ANKMY1: variants seen among roughly 807,000 people sequenced by gnomAD.
The protein encoded by ANKMY1 is ankyrin repeat and MYND domain containing 1.
In ANKMY1, 98 loss-of-function variants were observed where a neutral mutation model predicts 102.0. The observed-to-expected ratio is 0.96, with a 90% CI of 0.82 to 1.14. ANKMY1 has a LOEUF of 1.14. Among genes scored for constraint, ANKMY1 ranks in the 50% most tolerant of loss-of-function variants. The probability of loss-of-function intolerance (pLI) is 0.00; values close to 1 mark genes in which losing one functional copy is unlikely to be tolerated. For missense variants in ANKMY1, 1,330 were observed against 1,347.6 expected, an observed-to-expected ratio of 0.99 and a Z score of 0.20; for synonymous variants, 582 against 559.9, an observed-to-expected ratio of 1.04 and a Z score of -0.56.
At chr2:240,473,199 G>A in the ANKMY1 span, among the ~76,000 whole-genome samples, 1 of 123,084 alleles carries the variant, frequency 8.1e-6, no homozygotes, top group African/African-American at 3.2e-5. Flanking sequence ...AAGAAATAAA[G>A]ATCTATAAAT....
chr2:240,552,241 C>T (rs1011179174), intron 4 of ANKMY1, among the ~76,000 whole-genome samples: 20 of 152,298 alleles, frequency 1.3e-4, no homozygotes, highest in South Asian at 6.2e-4. Context: ...AGATCTAGAG[C>T]GAACCCCTGG....
the ANKMY1 span, among the ~76,000 whole-genome samples, chr2:240,473,131 A>AAC: frequency 2.9e-4 from 44 of 150,480 alleles, no homozygotes; most frequent in East Asian, 5.0e-3. Flanking sequence ...TCTAAAAAAA[A>AAC]AAAAAAAACA....
Position 240,523,630 on chromosome 2 carries a change from G to A in ANKMY1, c.1832+255C>T, listed in dbSNP as rs763053976. 24 of 578,970 alleles carry A rather than the reference G, an allele frequency of 4.1e-5. 1 individual carries two copies. The highest frequency in any genetic ancestry group is 2.8e-4 in the Admixed American group (9 of 31,764). The allele number at this position is 578,970 out of a possible 1,614,324, so 35.9% of individuals were successfully genotyped here. On this transcript the variant is annotated intron_variant, in intron 8 of 17. Transcript: ENST00000401804. ...TGCCAAAGGCCAAAGCAGGGCTGGCGTGGTACTGAAAACAGCCCGTCACCG... is the reference window on the plus strand; with the variant it reads ...TGCCAAAGGCCAAAGCAGGGCTGGCATGGTACTGAAAACAGCCCGTCACCG...
downstream of ANKMY1, chr2:240,479,284 C>A: frequency 2.6e-6 from 1 of 385,030 alleles, no homozygotes; most frequent in South Asian, 4.4e-5. Context: ...AGTCCTGACC[C>A]TCACCTGCCT....
chr2:240,526,854 T>C, intron 5 of ANKMY1: 1 of 1,164,928 alleles, frequency 8.6e-7, no homozygotes, highest in South Asian at 1.8e-5. Flanking sequence ...GCTCATCCAT[T>C]TTTGTCTGAG....
downstream of ANKMY1, among the ~76,000 whole-genome samples, chr2:240,476,305 T>A (rs907337333): frequency 6.6e-6 from 1 of 151,966 alleles, no homozygotes; most frequent in African/African-American, 2.4e-5. Context: ...AAGAGAGAAA[T>A]TGGACCCTTA....
Position 240,520,222 on chromosome 2 carries a change from G to A in ANKMY1, c.2004+140C>T. 1.6e-6 allele frequency: 2 copies of A among 1,281,970 alleles called. No individual in the cohort carries two copies. Among genetic ancestry groups the A allele is most frequent in the South Asian group, 1.3e-5 (1 of 77,348 alleles). 79.4% of individuals were successfully genotyped at this position (1,281,970 alleles called of 1,614,324 possible). Reference sequence around the variant, plus strand: ...GCTGTGGGACCCCCCACTGCGGCGCGCCGTCATCACTCACAGCCCAGGTGG... The same window carrying A: ...GCTGTGGGACCCCCCACTGCGGCGCACCGTCATCACTCACAGCCCAGGTGG... On this transcript the variant is annotated intron_variant, in intron 9 of 17. Transcript: ENST00000401804. This position sits in a 1 kb window ranked among gnomAD's most constrained non-coding sequence, Gnocchi z 4.8.
chr2:240,485,252 C>T (rs369224353), intron 15 of ANKMY1, among the ~76,000 whole-genome samples: 3 of 150,658 alleles, frequency 2.0e-5, no homozygotes, highest in East Asian at 2.0e-4. Flanking sequence ...GGCGTGAACC[C>T]GGGAGGTGGA....
At position 240,515,779 on chromosome 2, in the gene ANKMY1, G is replaced by A. The variant is rs138985386; in HGVS notation, c.2005-2837C>T. 3.0e-3 allele frequency among the ~76,000 whole-genome samples: 460 copies of A among 151,858 alleles called. 22 individuals carry two copies. The East Asian group carries it at 0.069, about 23-fold the overall frequency. On this transcript the variant is annotated intron_variant, in intron 9 of 17. Transcript: ENST00000401804. Reference sequence around the variant, plus strand: ...ATTGCCCAGGCTGGAGTGCAGTGGCGCGATCTCGACTCACTGCAAGCTCCT... The same window carrying A: ...ATTGCCCAGGCTGGAGTGCAGTGGCACGATCTCGACTCACTGCAAGCTCCT...
At chr2:240,525,505 C>T (rs2083178864) in intron 7 of ANKMY1, among the ~76,000 whole-genome samples, 180 bp downstream of exon 7, 1 of 152,188 alleles carries the variant, frequency 6.6e-6, no homozygotes. Context: ...CATACCTTGG[C>T]ATCTGCTCAG....
At chr2:240,531,802 A>G (rs573491299) in intron 4 of ANKMY1, among the ~76,000 whole-genome samples, 1 of 152,226 alleles carries the variant, frequency 6.6e-6, no homozygotes, top group East Asian at 1.9e-4. Flanking sequence ...AATCATGATC[A>G]AGGTGGTAGT....
intron 17 of ANKMY1, 65 bp from the exon 18 acceptor site, chr2:240,479,720 G>A: frequency 2.7e-6 from 4 of 1,491,882 alleles, no homozygotes; most frequent in South Asian, 2.3e-5. Context: ...CCCGAGGCCT[G>A]GCTCCAGAAC....
At chr2:240,494,600 A>T (rs1012540324) in intron 15 of ANKMY1, among the ~76,000 whole-genome samples, 2 of 152,140 alleles carry the variant, frequency 1.3e-5, no homozygotes, top group Middle Eastern at 3.2e-3. Context: ...GACAGCATGT[A>T]GTTTTCCAGA....
chr2:240,476,874 G>A (rs1478444005), downstream of ANKMY1, among the ~76,000 whole-genome samples: 7 of 152,224 alleles, frequency 4.6e-5, no homozygotes, highest in Non-Finnish European at 1.0e-4. Flanking sequence ...CAGGCCCTGA[G>A]GAAAGGACAC....
intron 4 of ANKMY1, among the ~76,000 whole-genome samples, chr2:240,547,734 C>G (rs373591510): frequency 0.031 from 4,548 of 148,358 alleles, 99 homozygotes; most frequent in African/African-American, 0.086. Flanking sequence ...ACTACAAACA[C>G]CTCTACGCAA....
Position 240,520,331 on chromosome 2 carries a change from C to T in ANKMY1, c.2004+31G>A, listed in dbSNP as rs555867124. On this transcript the variant is annotated intron_variant, in intron 9 of 17. Coordinates refer to ENST00000401804, the MANE Select transcript of ANKMY1 (RefSeq NM_001282771.3). The surrounding 1 kb of genome is among the most constrained non-coding windows in gnomAD (Gnocchi z 4.8). ...CCAGTGCCCGGGAGTCTGCTGCGCTCGTCCCGGCGCCCGCCCGCCGCGGCT... is the reference window on the plus strand; with the variant it reads ...CCAGTGCCCGGGAGTCTGCTGCGCTTGTCCCGGCGCCCGCCCGCCGCGGCT... 5.4e-5 allele frequency: 81 copies of T among 1,510,600 alleles called. No homozygotes were observed. The African/African-American group carries it at 8.6e-4, about 16-fold the overall frequency. 93.6% of individuals were successfully genotyped at this position (1,510,600 alleles called of 1,614,324 possible).
At chr2:240,472,270 C>A in the ANKMY1 span, among the ~76,000 whole-genome samples, 2 of 152,044 alleles carry the variant, frequency 1.3e-5, no homozygotes, top group African/African-American at 4.8e-5. Flanking sequence ...TACGGCCGCA[C>A]GCGGGGAGGC....
intron 15 of ANKMY1, among the ~76,000 whole-genome samples, chr2:240,488,532 T>C (rs1352022997): frequency 6.6e-6 from 1 of 152,208 alleles, no homozygotes; most frequent in African/African-American, 2.4e-5. Flanking sequence ...TGATAGGGAT[T>C]GTATTGACTC....
chr2:240,487,856 C>T (rs1163356750), intron 15 of ANKMY1, among the ~76,000 whole-genome samples: 2 of 151,942 alleles, frequency 1.3e-5, no homozygotes, highest in East Asian at 1.9e-4. Flanking sequence ...TGTATGAGTA[C>T]CCTGTATATT....
Sources: gnomAD v4.1 joint callset for allele counts (sites outside exome capture counted in the v4.1 genomes callset) on GRCh38, gnomAD v4.1.1 for gene constraint, Gnocchi (gnomAD v3.1) non-coding constraint, MANE v1.5 for transcripts, NCBI Gene and HGNC (gene_info 2026-07-23, HGNC 2026-07-21) for gene names.